BANP: variants seen among roughly 807,000 people sequenced by gnomAD.
BANP encodes BTG3 associated nuclear protein.
BANP carries 11 observed loss-of-function variants against 68.1 expected under a neutral mutation model. That is an observed-to-expected ratio of 0.16 (90% CI 0.10 to 0.27). The LOEUF (loss-of-function observed/expected upper bound fraction) is 0.27, where lower values mean the gene tolerates loss of function less well. BANP is among the 10% of genes least tolerant of loss of function. The pLI is 1.00. For missense variants in BANP, 504 were observed against 722.7 expected (o/e 0.70, Z 3.47); for synonymous variants, 329 against 303.2 (o/e 1.09, Z -0.88).
At chr16:87,958,568 C>T (rs1333745471) in intron 1 of BANP, among the ~76,000 whole-genome samples, 3 of 144,628 alleles carry the variant, frequency 2.1e-5, no homozygotes, top group Admixed American at 1.4e-4. Context: ...GGCATGGTGG[C>T]CCAAAGCTCC....
intron 6 of BANP, among the ~76,000 whole-genome samples, chr16:88,006,598 A>C (rs112839947): frequency 0.011 from 1,602 of 150,454 alleles, 24 homozygotes; most frequent in African/African-American, 0.036. Flanking sequence ...GTGAACCGAG[A>C]TCATGCCATT....
chr16:88,075,698 G>C (rs1486763729), intron 13 of BANP, among the ~76,000 whole-genome samples: 2 of 151,876 alleles, frequency 1.3e-5, no homozygotes, highest in African/African-American at 2.4e-5. Context: ...CCGTGTGGCT[G>C]AGCTGGAGGA....
intron 4 of BANP, among the ~76,000 whole-genome samples, chr16:88,001,126 G>A (rs2069117948): frequency 2.1e-5 from 2 of 96,280 alleles, no homozygotes; most frequent in African/African-American, 4.6e-5. Context: ...ACGTCTCCAT[G>A]CACGCACGTG....
chr16:87,995,204 C>T (rs1199263897), intron 4 of BANP, among the ~76,000 whole-genome samples: 1 of 152,224 alleles, frequency 6.6e-6, no homozygotes, highest in African/African-American at 2.4e-5. Flanking sequence ...TCTGGATGTG[C>T]GGGGGCTCCC....
intron 8 of BANP, among the ~76,000 whole-genome samples, chr16:88,031,176 T>C (rs918262184): frequency 3.9e-5 from 6 of 152,138 alleles, no homozygotes; most frequent in African/African-American, 1.4e-4. Context: ...GGTGGTTGCT[T>C]TGGGACATGA....
At chr16:88,065,211 C>T in intron 11 of BANP, 56 bp from the exon 12 acceptor site, 1 of 679,666 alleles carries the variant, frequency 1.5e-6, no homozygotes, top group African/African-American at 1.8e-5. Context: ...GAAAGCAAGG[C>T]AGGGTTGGTC....
intron 1 of BANP, among the ~76,000 whole-genome samples, chr16:87,972,234 C>A (rs1567620556): frequency 6.6e-6 from 1 of 151,986 alleles, no homozygotes; most frequent in Non-Finnish European, 1.5e-5. Context: ...TTTCTTAAGG[C>A]ACCATTGTGT....
chr16:87,967,254 C>CTT (rs573550962), intron 1 of BANP, among the ~76,000 whole-genome samples: 19 of 106,982 alleles, frequency 1.8e-4, no homozygotes, highest in East Asian at 6.1e-4. Context: ...GGAAAAGGTT[C>CTT]TTTTTTTTTT....
intron 1 of BANP, 103 bp from the exon 2 acceptor site, chr16:87,974,945 C>T (rs1000968437): frequency 1.5e-5 from 9 of 598,690 alleles, no homozygotes; most frequent in African/African-American, 7.4e-5. Flanking sequence ...ACTCCACAGA[C>T]GTTCGCGGCC....
chr16:88,038,376 C>T (rs2079924673), intron 11 of BANP, among the ~76,000 whole-genome samples: 1 of 152,136 alleles, frequency 6.6e-6, no homozygotes, highest in South Asian at 2.1e-4. Flanking sequence ...AATGCACAGG[C>T]CTGGAAGGGG....
At chr16:88,008,292 C>T (rs1167058894) in intron 6 of BANP, among the ~76,000 whole-genome samples, 1 of 152,084 alleles carries the variant, frequency 6.6e-6, no homozygotes, top group Admixed American at 6.6e-5. Context: ...CGTTGAGGTG[C>T]AGGTTTTTGT....
intron 2 of BANP, among the ~76,000 whole-genome samples, chr16:87,975,591 C>G (rs7192225): frequency 0.01 from 1,379 of 136,806 alleles, 46 homozygotes; most frequent in African/African-American, 0.037. Flanking sequence ...CGTCATGGAA[C>G]CTTACCATGT....
At chr16:88,038,132 C>G (rs2079843923) in intron 11 of BANP, 121 bp downstream of exon 11, 2 of 517,298 alleles carry the variant, frequency 3.9e-6, no homozygotes, top group Non-Finnish European at 6.6e-6. Context: ...GGGCATTGCG[C>G]TGCCGAGGGG....
intron 6 of BANP, among the ~76,000 whole-genome samples, chr16:88,014,727 G>A (rs1445819453): frequency 1.3e-5 from 2 of 152,040 alleles, no homozygotes; most frequent in Non-Finnish European, 2.9e-5. Context: ...GTGTGGGTGG[G>A]TGATGGTCGG....
chr16:87,988,272 C>G (rs2064974066), intron 4 of BANP, among the ~76,000 whole-genome samples: 1 of 151,998 alleles, frequency 6.6e-6, no homozygotes, highest in Non-Finnish European at 1.5e-5. Flanking sequence ...TTTTGGGACT[C>G]AGATATTTTG....
chr16:88,037,805 A>G (rs1030516275), intron 10 of BANP, 168 bp from the exon 11 acceptor site: 16 of 641,334 alleles, frequency 2.5e-5, no homozygotes, highest in Middle Eastern at 3.3e-4. Flanking sequence ...AGAAATGTCA[A>G]TATTTTGTTT....
chr16:87,985,847 A>G lies in BANP; in HGVS notation c.362+1588A>G, dbSNP rs2064284528. 2.0e-5 allele frequency among the ~76,000 whole-genome samples: 3 copies of G among 152,356 alleles called. No individual in the cohort carries two copies. The South Asian group carries it at 6.2e-4, about 32-fold the overall frequency. ...TTCCTAATGAACTTTCACATAAAGC[A>G]AAGTATAATTTTTTCTAGACTTGTA... On this transcript the variant is annotated intron_variant, in intron 4 of 13. Coordinates refer to ENST00000682872, the MANE Select transcript of BANP (RefSeq NM_001386991.1).
chr16:87,999,080 G>T (rs9931629), intron 4 of BANP, among the ~76,000 whole-genome samples: 22,589 of 131,698 alleles, frequency 0.17, 1,878 homozygotes, highest in South Asian at 0.33. Context: ...ATGCACGCAC[G>T]TGCGCGGCTG....
intron 3 of BANP, among the ~76,000 whole-genome samples, 185 bp from the exon 4 acceptor site, chr16:87,983,875 G>T (rs958578787): frequency 6.6e-6 from 1 of 152,218 alleles, no homozygotes; most frequent in Non-Finnish European, 1.5e-5. Flanking sequence ...TGTGACTCGT[G>T]TGTAAAATGT....
Sources: gnomAD v4.1 joint callset for allele counts (sites outside exome capture counted in the v4.1 genomes callset) on GRCh38, gnomAD v4.1.1 for gene constraint, MANE v1.5 for transcripts, NCBI Gene and HGNC (gene_info 2026-07-23, HGNC 2026-07-21) for gene names.